Variants in GLI2 observed in about 807,000 individuals in gnomAD.
GLI2 encodes GLI family zinc finger 2.
A neutral mutation model predicts 78.9 loss-of-function variants in GLI2; 22 were observed. That is an observed-to-expected ratio of 0.28 (90% confidence interval 0.20 to 0.40). The LOEUF (loss-of-function observed/expected upper bound fraction) is 0.40, where lower values mean the gene tolerates loss of function less well. Ranked by LOEUF, GLI2 falls within the 10% of genes least tolerant of loss-of-function variation. The pLI, the probability that GLI2 is intolerant of heterozygous loss-of-function variation, is 1.00. For synonymous variants in GLI2, 974 were observed against 963.7 expected, an observed-to-expected ratio of 1.01 and a Z score of -0.20; for missense variants, 2,097 against 2,213.2, an observed-to-expected ratio of 0.95 and a Z score of 1.05.
intron 8 of GLI2, 82 bp from the exon 9 acceptor site, chr2:120,974,893 A>G (rs781339176): frequency 1.2e-6 from 2 of 1,609,396 alleles, no homozygotes; most frequent in Non-Finnish European, 1.7e-6. Context: ...TTGGCACAGA[A>G]TGCATGGGAC....
intron 1 of GLI2, among the ~76,000 whole-genome samples, chr2:120,757,800 ACT>A (rs1218330377): frequency 3.3e-5 from 5 of 151,626 alleles, no homozygotes; most frequent in Non-Finnish European, 5.9e-5. Flanking sequence ...GCCTGGAAAC[ACT>A]CTCTGGAAAG....
At chr2:120,896,158 C>G (rs1287024984) in intron 2 of GLI2, among the ~76,000 whole-genome samples, 1 of 152,214 alleles carries the variant, frequency 6.6e-6, no homozygotes, top group Non-Finnish European at 1.5e-5. Flanking sequence ...TCTCACCTGC[C>G]TTGATGGTCT....
chr2:120,933,740 G>A (rs368830385), intron 3 of GLI2, among the ~76,000 whole-genome samples: 4 of 152,042 alleles, frequency 2.6e-5, no homozygotes, highest in African/African-American at 7.2e-5. Flanking sequence ...CTGGGCCAGC[G>A]TTAACTTGTG....
intron 1 of GLI2, among the ~76,000 whole-genome samples, chr2:120,756,129 T>G (rs1319575150): frequency 6.6e-6 from 1 of 152,212 alleles, no homozygotes; most frequent in Non-Finnish European, 1.5e-5. Context: ...AGATTTTGAT[T>G]GAGATTGTGG....
At chr2:120,771,241 C>T (rs879775818) in intron 1 of GLI2, among the ~76,000 whole-genome samples, 17 of 152,304 alleles carry the variant, frequency 1.1e-4, no homozygotes, top group East Asian at 1.9e-4. Flanking sequence ...TTCCCTGTGT[C>T]GCTCAGCCCA....
intron 2 of GLI2, among the ~76,000 whole-genome samples, chr2:120,860,023 G>A (rs1046490388): frequency 6.6e-6 from 1 of 152,194 alleles, no homozygotes; most frequent in African/African-American, 2.4e-5. Context: ...ACTGAAGCAC[G>A]TGTAGAAACA....
At chr2:120,923,235 AAC>A (rs373817212) in intron 2 of GLI2, among the ~76,000 whole-genome samples, 4,140 of 96,166 alleles carry the variant, frequency 0.043, 55 homozygotes, top group Middle Eastern at 0.06. Context: ...TATACACAGC[AAC>A]ACACACACAC....
At chr2:120,816,344 T>C (rs1049795118) in intron 2 of GLI2, among the ~76,000 whole-genome samples, 1 of 152,072 alleles carries the variant, frequency 6.6e-6, no homozygotes, top group Admixed American at 6.6e-5. Flanking sequence ...TACAGGTGCG[T>C]GCCATCATGC....
At chr2:120,750,345 G>A (rs533477253) in intron 1 of GLI2, among the ~76,000 whole-genome samples, 2 of 152,270 alleles carry the variant, frequency 1.3e-5, no homozygotes, top group East Asian at 1.9e-4. Context: ...GTGCTCCCCC[G>A]AGGGGGACTG....
chr2:120,815,604 C>T (rs73949914), intron 2 of GLI2, among the ~76,000 whole-genome samples: 4,793 of 152,302 alleles, frequency 0.031, 240 homozygotes, highest in African/African-American at 0.11. Flanking sequence ...TCTGTGCCTG[C>T]GCACCTCTGA....
At chr2:120,828,857 A>C (rs1180349862) in intron 2 of GLI2, among the ~76,000 whole-genome samples, 4 of 79,668 alleles carry the variant, frequency 5.0e-5, no homozygotes, top group Admixed American at 3.3e-4. Flanking sequence ...GTGACTTCCA[A>C]CTCCAAAAAA....
At chr2:120,802,956 C>T (rs1224031576) in intron 2 of GLI2, among the ~76,000 whole-genome samples, 2 of 152,252 alleles carry the variant, frequency 1.3e-5, no homozygotes, top group African/African-American at 2.4e-5. Flanking sequence ...GGGTAGAGCC[C>T]AGCAAGCTGT....
chr2:120,913,762 G>A (rs1486480705), intron 2 of GLI2, among the ~76,000 whole-genome samples: 1 of 152,236 alleles, frequency 6.6e-6, no homozygotes. Context: ...CCAGGTGGCT[G>A]ATTCCGCTGC....
chr2:120,808,588 G>A (rs911228682), intron 2 of GLI2, among the ~76,000 whole-genome samples: 1 of 152,216 alleles, frequency 6.6e-6, no homozygotes, highest in Non-Finnish European at 1.5e-5. Context: ...TCTTTGTCCT[G>A]TTGCCAGTCC....
Position 120,990,295 on chromosome 2 carries a change from G to C in GLI2, c.4330G>C (p.Glu1444Gln). The change falls in exon 14 of 14, where the codon GAG (glutamate) becomes CAG (glutamine). Residue 1444 changes from glutamate to glutamine, a missense_variant. Glu to Gln is a conservative substitution (Grantham distance 29). This residue lies in a region of GLI2 where 1,290 missense variants were observed against 1,261.7 expected (regional missense o/e 1.02). Coordinates refer to ENST00000361492, the MANE Select transcript of GLI2 (RefSeq NM_001374353.1). ...CATGTACGAACAGGATGGAGGCCTG[G>C]AGAACCTCGGGAGCTGCCAGGTCAT... ...IHMYEQDGGL[E>Q]NLGSCQVMRS... is the part of the protein sequence containing the mutation. The C allele has an allele frequency of 6.2e-7, 1 of 1,613,714 alleles. No individual in the cohort carries two copies. Among genetic ancestry groups the C allele is most frequent in the Non-Finnish European group, 8.5e-7 (1 of 1,180,032 alleles).
At chr2:120,971,465 C>G (rs1252852837) in intron 7 of GLI2, among the ~76,000 whole-genome samples, 1 of 152,244 alleles carries the variant, frequency 6.6e-6, no homozygotes, top group Non-Finnish European at 1.5e-5. Context: ...CCTGGTGGCT[C>G]CCCAGAGCCT....
chr2:120,737,523 G>A lies in GLI2; in HGVS notation c.-31+1238G>A, dbSNP rs907727809. Reference sequence around the variant, plus strand: ...ACCTGTCCCTACTGTCTGGTCCCGCGCCCTGGGAGTCTTGTAGGCGTCCCT... The same window carrying A: ...ACCTGTCCCTACTGTCTGGTCCCGCACCCTGGGAGTCTTGTAGGCGTCCCT... On this transcript the variant is annotated intron_variant, in intron 1 of 13. Transcript: ENST00000361492. This position sits in a 1 kb window ranked among gnomAD's most constrained non-coding sequence, Gnocchi z 4.3. Among the ~76,000 whole-genome samples, 1 of 152,126 alleles carries A rather than the reference G, an allele frequency of 6.6e-6. No individual in the cohort carries two copies. Among genetic ancestry groups the A allele is most frequent in the South Asian group, 2.1e-4 (1 of 4,834 alleles).
chr2:120,824,569 T>G (rs1423141271), intron 2 of GLI2, among the ~76,000 whole-genome samples: 1 of 152,234 alleles, frequency 6.6e-6, no homozygotes, highest in African/African-American at 2.4e-5. Context: ...TGCCCCCTGC[T>G]CCATCTCTGG....
rs192425013 is a variant in GLI2 at position 120,922,292 on chromosome 2, C to T, written c.149-5069C>T. 1.3e-4 allele frequency among the ~76,000 whole-genome samples: 20 copies of T among 152,296 alleles called. 1 individual carries two copies. In the East Asian group the frequency reaches 3.7e-3, roughly 28 times the overall value. On this transcript the variant is annotated intron_variant, in intron 2 of 13. Coordinates refer to ENST00000361492, the MANE Select transcript of GLI2 (RefSeq NM_001374353.1). ...ATGGGGTCTTCTCTCTGAGGGTGAG[C>T]GGAAGGGTCTGGGCAGGTCCCTGGT...
Sources: allele counts gnomAD v4.1 joint callset (sites outside exome capture counted in the v4.1 genomes callset), GRCh38; gene constraint gnomAD v4.1.1; regional missense constraint gnomAD v4.1.1; non-coding constraint Gnocchi (gnomAD v3.1); transcripts MANE v1.5; gene names NCBI Gene and HGNC (gene_info 2026-07-23, HGNC 2026-07-21).